Variants in PCDHA1 observed in about 807,000 individuals in gnomAD.
PCDHA1 encodes the protein protocadherin alpha 1.
In PCDHA1, 42 loss-of-function variants were observed where a neutral mutation model predicts 61.3. The observed-to-expected ratio is 0.69, with a 90% CI of 0.54 to 0.89. The LOEUF (loss-of-function observed/expected upper bound fraction) is 0.89. Among genes scored for constraint, PCDHA1 ranks in the 40% least tolerant of loss-of-function variants. The pLI is 0.00. For missense variants in PCDHA1, 1,256 were observed against 1,235.3 expected, an observed-to-expected ratio of 1.02 and a Z score of -0.25; for synonymous variants, 610 against 553.8, an observed-to-expected ratio of 1.10 and a Z score of -1.43.
intron 1 of PCDHA1, chr5:140,808,044 C>T (rs781791401): frequency 3.1e-6 from 5 of 1,613,854 alleles, no homozygotes; most frequent in Non-Finnish European, 4.2e-6. Context: ...AATGATATTT[C>T]GCCAAATGTG....
chr5:140,948,547 A>G (rs1054072354), intron 1 of PCDHA1, among the ~76,000 whole-genome samples: 9 of 151,490 alleles, frequency 5.9e-5, no homozygotes, highest in Admixed American at 5.9e-4. Flanking sequence ...ATGCTCTGTC[A>G]ATTTTGTTAA....
chr5:140,969,228 G>C, intron 1 of PCDHA1: 1 of 1,614,176 alleles, frequency 6.2e-7, no homozygotes, highest in Non-Finnish European at 8.5e-7. Flanking sequence ...GGGCCTTCGG[G>C]AGCCCAAGCA....
At chr5:140,852,176 A>G in intron 1 of PCDHA1, 1 of 792,442 alleles carries the variant, frequency 1.3e-6, no homozygotes, top group South Asian at 5.6e-5. Flanking sequence ...CACAAAAATA[A>G]CTATGAAAAT....
intron 1 of PCDHA1, chr5:140,811,328 G>A (rs1764840045): frequency 6.6e-6 from 1 of 152,164 alleles, no homozygotes; most frequent in South Asian, 2.1e-4. Flanking sequence ...TCTCTACAAA[G>A]GACATGAACT....
chr5:140,837,576 CA>C (rs1310142916), intron 1 of PCDHA1, among the ~76,000 whole-genome samples: 1 of 151,836 alleles, frequency 6.6e-6, no homozygotes, highest in Non-Finnish European at 1.5e-5. Context: ...TTACAATCAC[CA>C]AATTGTAAAT....
chr5:140,822,718 T>C, intron 1 of PCDHA1: 1 of 1,611,984 alleles, frequency 6.2e-7, no homozygotes, highest in South Asian at 1.1e-5. Context: ...CTATAACTCA[T>C]ATGAAATTAA....
At chr5:140,982,665 A>T in intron 3 of PCDHA1, 102 bp downstream of exon 3, 1 of 1,465,322 alleles carries the variant, frequency 6.8e-7, no homozygotes, top group Non-Finnish European at 9.0e-7. Context: ...TTTCTTTTAT[A>T]TTTTTGTTAT....
intron 1 of PCDHA1, among the ~76,000 whole-genome samples, chr5:140,790,705 G>A (rs539241835): frequency 6.6e-6 from 1 of 152,230 alleles, no homozygotes; most frequent in African/African-American, 2.4e-5. Flanking sequence ...TGTCCCCAAA[G>A]CTTCATTTGC....
intron 1 of PCDHA1, among the ~76,000 whole-genome samples, chr5:140,902,368 A>G (rs1554190412): frequency 6.6e-6 from 1 of 151,696 alleles, no homozygotes; most frequent in Admixed American, 6.6e-5. Flanking sequence ...TCTCTTGTCT[A>G]ATTGCTCTAG....
intron 1 of PCDHA1, chr5:140,882,287 G>A (rs1289206552): frequency 3.1e-6 from 5 of 1,613,126 alleles, no homozygotes; most frequent in African/African-American, 1.3e-5. Context: ...TTCCTGGCAA[G>A]GAGGCCCAAG....
intron 1 of PCDHA1, among the ~76,000 whole-genome samples, chr5:140,826,609 C>T (rs2150144394): frequency 6.6e-6 from 1 of 151,782 alleles, no homozygotes; most frequent in Non-Finnish European, 1.5e-5. Flanking sequence ...AAATTAAGGG[C>T]GAAGTTGATA....
chr5:140,900,233 G>GT (rs1261263702), intron 1 of PCDHA1, among the ~76,000 whole-genome samples: 7 of 151,834 alleles, frequency 4.6e-5, no homozygotes, highest in Non-Finnish European at 7.4e-5. Flanking sequence ...ACTGGATCTT[G>GT]TTTTTTTTAT....
chr5:140,919,198 A>G (rs545072839), intron 1 of PCDHA1, among the ~76,000 whole-genome samples: 8 of 152,268 alleles, frequency 5.3e-5, no homozygotes, highest in Admixed American at 3.9e-4. Flanking sequence ...TCCTTTTGTC[A>G]TTATAAAATG....
chr5:140,967,279 T>C, intron 1 of PCDHA1: 1 of 1,613,002 alleles, frequency 6.2e-7, no homozygotes, highest in South Asian at 1.1e-5. Context: ...ACATAGAGAG[T>C]GCGCAGGACC....
intron 1 of PCDHA1, among the ~76,000 whole-genome samples, chr5:140,912,408 T>A (rs1376927432): frequency 6.6e-6 from 1 of 152,054 alleles, no homozygotes; most frequent in Non-Finnish European, 1.5e-5. Flanking sequence ...TCAGCTTGGT[T>A]ATTATTGGTG....
At chr5:140,861,531 T>G (rs1219248238) in intron 1 of PCDHA1, 2 of 447,948 alleles carry the variant, frequency 4.5e-6, no homozygotes, top group Non-Finnish European at 9.2e-6. Flanking sequence ...GATCTCGGAG[T>G]GCAGCATCCA....
intron 1 of PCDHA1, chr5:140,967,338 A>G: frequency 3.7e-6 from 6 of 1,607,948 alleles, no homozygotes; most frequent in Non-Finnish European, 4.3e-6. Flanking sequence ...AGCCCCAGCG[A>G]GCACTTCGAG....
chr5:140,789,205 T>C (rs1381825114), intron 1 of PCDHA1, among the ~76,000 whole-genome samples: 1 of 152,208 alleles, frequency 6.6e-6, no homozygotes, highest in Non-Finnish European at 1.5e-5. Flanking sequence ...ATCCCAAAAC[T>C]TTGGGAGGCC....
At chr5:140,795,597 A>G in intron 1 of PCDHA1, 1 of 1,614,128 alleles carries the variant, frequency 6.2e-7, no homozygotes, top group Non-Finnish European at 8.5e-7. Flanking sequence ...TTAATTTGTT[A>G]CTGGTGGCTA....
Sources: gnomAD v4.1 joint callset for allele counts (sites outside exome capture counted in the v4.1 genomes callset) on GRCh38, gnomAD v4.1.1 for gene constraint, MANE v1.5 for transcripts, NCBI Gene and HGNC (gene_info 2026-07-23, HGNC 2026-07-21) for gene names.